FSD1L: variants seen among roughly 807,000 people sequenced by gnomAD.
FSD1L encodes the protein fibronectin type III and SPRY domain containing 1 like, also known as FSD1-like protein.
FSD1L carries 45 observed loss-of-function variants against 71.6 expected under a neutral mutation model. The ratio of observed to expected loss-of-function variants is 0.63; its 90% CI spans 0.49 to 0.81. FSD1L has a LOEUF of 0.81. Ranked by LOEUF, FSD1L falls within the 30% of genes least tolerant of loss-of-function variation. The pLI is 0.00. For synonymous variants in FSD1L, 197 were observed against 207.2 expected, an observed-to-expected ratio of 0.95 and a Z score of 0.42; for missense variants, 561 against 618.1, an observed-to-expected ratio of 0.91 and a Z score of 0.98.
At chr9:105,498,360 A>G (rs1298029385) in intron 7 of FSD1L, among the ~76,000 whole-genome samples, 4 of 152,124 alleles carry the variant, frequency 2.6e-5, no homozygotes, top group Non-Finnish European at 4.4e-5. Flanking sequence ...CAAACATCAT[A>G]GAGTGTATTT....
intron 9 of FSD1L, among the ~76,000 whole-genome samples, chr9:105,510,248 G>A (rs999323433): frequency 6.6e-5 from 10 of 152,154 alleles, no homozygotes; most frequent in African/African-American, 2.2e-4. Context: ...TAAACCCTCT[G>A]CGGTAGGAAT....
At chr9:105,455,124 C>T (rs1001539899) in intron 1 of FSD1L, among the ~76,000 whole-genome samples, 1 of 152,194 alleles carries the variant, frequency 6.6e-6, no homozygotes, top group Non-Finnish European at 1.5e-5. Context: ...ACCTACCTAA[C>T]AGCAGTAGTT....
intron 5 of FSD1L, among the ~76,000 whole-genome samples, chr9:105,478,462 G>A (rs1831957161): frequency 6.6e-6 from 1 of 152,162 alleles, no homozygotes; most frequent in African/African-American, 2.4e-5. Context: ...GCTAGGCACT[G>A]GGGATACAGT....
rs376069658 is a variant in FSD1L, at chr9:105,481,141, CTGTGTGTG to C, written c.464+1796_464+1803del. Among the ~76,000 whole-genome samples the C allele has an allele frequency of 6.8e-3, 551 of 81,554 alleles. 6 individuals carry two copies. The highest frequency in any genetic ancestry group is 0.01 in the South Asian group (19 of 1,842). 53.5% of individuals were successfully genotyped at this position (81,554 alleles called of 152,430 possible). On this transcript the variant is annotated intron_variant, in intron 6 of 13. Coordinates refer to ENST00000481272, the MANE Select transcript of FSD1L (RefSeq NM_001145313.3). ...TCAGGAATTAGGGTTCAGGCAAACTCTGTGTGTGTGTGTGTGTGTGTGTGTGTGTGTGT... is the reference window on the plus strand; with the variant it reads ...TCAGGAATTAGGGTTCAGGCAAACTCTGTGTGTGTGTGTGTGTGTGTGTGT...
intron 10 of FSD1L, chr9:105,530,783 C>CA (rs1379691597): frequency 7.7e-6 from 4 of 518,404 alleles, no homozygotes; most frequent in Non-Finnish European, 1.4e-5. Flanking sequence ...TGATTTATTA[C>CA]AAAATGCCAA....
intron 10 of FSD1L, chr9:105,520,566 G>A: frequency 7.4e-7 from 1 of 1,350,474 alleles, no homozygotes; most frequent in East Asian, 2.3e-5. Flanking sequence ...AGCCATGGCA[G>A]TTTCATAATA....
rs553505555 is a variant in FSD1L, at chr9:105,472,320, CA to C, written c.441+316del. The C allele has an allele frequency of 2.5e-3, 668 of 266,374 alleles. 29 individuals are homozygous for C. In the East Asian group the frequency reaches 0.041, roughly 16 times the overall value. 16.5% of individuals were successfully genotyped at this position (266,374 alleles called of 1,614,324 possible). On this transcript the variant is annotated intron_variant, in intron 5 of 13. Transcript: ENST00000481272. ...ACTTCTTATTGCAGATAAATGCCCC[CA>C]CTGCTTAATTTAAGTAACTGAATGT...
intron 6 of FSD1L, among the ~76,000 whole-genome samples, chr9:105,482,405 G>A (rs554385142): frequency 1.3e-5 from 2 of 152,284 alleles, no homozygotes; most frequent in East Asian, 3.9e-4. Context: ...TAATTAGGTA[G>A]TTTGAGGAAA....
chr9:105,504,967 C>T (rs1833964820), intron 7 of FSD1L, among the ~76,000 whole-genome samples: 1 of 152,144 alleles, frequency 6.6e-6, no homozygotes, highest in Non-Finnish European at 1.5e-5. Context: ...ACAATTTCCC[C>T]TGTTATTACT....
intron 10 of FSD1L, chr9:105,521,440 T>G (rs1013555217): frequency 2.5e-6 from 4 of 1,613,700 alleles, no homozygotes; most frequent in Non-Finnish European, 2.5e-6. Context: ...GACATTGAAA[T>G]AGTTCGCAGA....
chr9:105,513,749 G>A lies in FSD1L; in HGVS notation c.1025+813G>A, dbSNP rs547595541. The A allele has an allele frequency of 3.2e-5, 22 of 687,684 alleles. No homozygotes were observed. The East Asian group carries it at 3.3e-4, about 10-fold the overall frequency. The allele number at this position is 687,684 out of a possible 1,614,324, so 42.6% of individuals were successfully genotyped here. A position where few individuals can be genotyped will look rare whatever the true frequency, so the allele number is the denominator to read the frequency against. On this transcript the variant is annotated intron_variant, in intron 10 of 13. Transcript: ENST00000481272. ...GAAGCCATTGCGGCAGCCTTCATAA[G>A]CTAAAATACTGCTCTGTGTAGACTG... is the stretch of plus-strand genomic sequence containing the variant.
rs1291495453 is a variant in FSD1L, at chr9:105,551,626, G to A, written c.*5143G>A. On this transcript the variant is annotated 3_prime_UTR_variant, in exon 14 of 14. Coordinates refer to ENST00000481272, the MANE Select transcript of FSD1L (RefSeq NM_001145313.3). ...TGGTATCACCAGTGATTTCTAACAT[G>A]ATTTTAAAAAAATAAAACCCCAATT... The A allele has an allele frequency of 6.6e-6, 1 of 152,074 alleles. No individual in the cohort carries two copies. Among genetic ancestry groups the A allele is most frequent in the Admixed American group, 6.6e-5 (1 of 15,252 alleles). The allele number at this position is 152,074 out of a possible 1,614,324, so 9.4% of individuals were successfully genotyped here.
In FSD1L at chr9:105,479,340, T is replaced by C. The variant is rs762742634; in HGVS notation, c.442-14T>C. ...TAACTTGCCTTCTTTCTCTTCTCCC[T>C]GATTGGCTCCAAGGCTGCCAGACAG... On this transcript the variant is annotated splice_polypyrimidine_tract_variant and intron_variant, in intron 5 of 13. Transcript: ENST00000481272. 16 of 1,550,430 alleles carry C rather than the reference T, an allele frequency of 1.0e-5. No homozygotes were observed. Among genetic ancestry groups the C allele is most frequent in the Middle Eastern group, 1.7e-4 (1 of 6,004 alleles).
chr9:105,495,736 G>A (rs1008444063), intron 7 of FSD1L, among the ~76,000 whole-genome samples: 5 of 152,166 alleles, frequency 3.3e-5, no homozygotes, highest in African/African-American at 1.2e-4. Flanking sequence ...CAGCATTTTG[G>A]GAGCCCGAGG....
At chr9:105,512,298 A>G (rs954842889) in intron 9 of FSD1L, among the ~76,000 whole-genome samples, 2 of 152,006 alleles carry the variant, frequency 1.3e-5, no homozygotes, top group African/African-American at 4.8e-5. Context: ...TTCTGCCATC[A>G]CGGCCTCAGT....
intron 7 of FSD1L, among the ~76,000 whole-genome samples, chr9:105,502,883 G>T (rs888723328): frequency 7.0e-6 from 1 of 142,624 alleles, no homozygotes; most frequent in African/African-American, 2.6e-5. Context: ...ACTGTAATAA[G>T]ATTTTTTTTT....
chr9:105,513,577 G>C, intron 10 of FSD1L: 1 of 1,523,244 alleles, frequency 6.6e-7, no homozygotes, highest in Non-Finnish European at 8.8e-7. Flanking sequence ...TTTCTTAACA[G>C]TTGCCTGTTT....
chr9:105,490,060 G>C (rs1169161507), intron 7 of FSD1L, among the ~76,000 whole-genome samples: 1 of 152,176 alleles, frequency 6.6e-6, no homozygotes, highest in African/African-American at 2.4e-5. Context: ...TCTAGTTCTA[G>C]ATCCCTGAGG....
Position 105,546,590 on chromosome 9 carries a change from T to G in FSD1L, c.*107T>G, listed in dbSNP as rs957303996. 1 of 1,112,012 alleles carries G rather than the reference T, an allele frequency of 9.0e-7. No homozygotes were observed. The highest frequency in any genetic ancestry group is 1.6e-5 in the African/African-American group (1 of 62,576). The allele number at this position is 1,112,012 out of a possible 1,614,324, so 68.9% of individuals were successfully genotyped here. ...AGTGAAAATCAGGTTTGCTGTGTTC[T>G]GCTTTGAGGCCTGGAATCTTTTATC... is the stretch of plus-strand genomic sequence containing the variant. On this transcript the variant is annotated 3_prime_UTR_variant, in exon 14 of 14. Transcript: ENST00000481272.
Sources: allele counts gnomAD v4.1 joint callset (sites outside exome capture counted in the v4.1 genomes callset), GRCh38; gene constraint gnomAD v4.1.1; transcripts MANE v1.5; gene names NCBI Gene and HGNC (gene_info 2026-07-23, HGNC 2026-07-21).